Variants in RBFOX1 observed in about 807,000 individuals in gnomAD.
RBFOX1 encodes the protein RNA binding protein fox-1 homolog 1.
In RBFOX1, 8 loss-of-function variants were observed where a neutral mutation model predicts 57.7. The observed-to-expected ratio is 0.14, with a 90% CI of 0.08 to 0.25. The LOEUF (loss-of-function observed/expected upper bound fraction) is 0.25. RBFOX1 is among the 10% of genes least tolerant of loss of function. The probability of loss-of-function intolerance (pLI) is 1.00; values close to 1 mark genes in which losing one functional copy is unlikely to be tolerated. For missense variants in RBFOX1, 611 were observed against 548.5 expected (o/e 1.11, Z -1.14); for synonymous variants, 326 against 222.4 (o/e 1.47, Z -4.15).
At chr16:6,657,944 C>G (rs762882974) in intron 3 of RBFOX1, among the ~76,000 whole-genome samples, 14 of 152,046 alleles carry the variant, frequency 9.2e-5, no homozygotes, top group Admixed American at 3.3e-4. Flanking sequence ...TCTTTCACCT[C>G]CCCTGGCTTT....
Position 5,834,605 on chromosome 16 carries a change from G to GATAGATAT in RBFOX1, c.319-32691_319-32690insTATAGATA, listed in dbSNP as rs1555541363. Among the ~76,000 whole-genome samples, 454 of 151,694 alleles carry GATAGATAT rather than the reference G, an allele frequency of 3.0e-3. 4 individuals carry two copies. Among genetic ancestry groups the GATAGATAT allele is most frequent in the East Asian group, 9.3e-3 (48 of 5,170 alleles). On this transcript the variant is annotated intron_variant, in intron 3 of 19. Transcript: ENST00000641259. Reference sequence around the variant, plus strand: ...AGATAGATAGATAGATAGATAGATAGATAGATAGATAGATAGATTGACTGA... The same window carrying GATAGATAT: ...AGATAGATAGATAGATAGATAGATAGATAGATATATAGATAGATAGATAGATTGACTGA...
intron 1 of RBFOX1, among the ~76,000 whole-genome samples, chr16:5,296,572 A>ATTTT (rs200092819): frequency 2.6e-4 from 39 of 151,380 alleles, no homozygotes; most frequent in African/African-American, 8.5e-4. Context: ...AAAAAAAAAA[A>ATTTT]TTTTTTTTTA....
At chr16:6,700,337 C>T (rs939921363) in intron 3 of RBFOX1, among the ~76,000 whole-genome samples, 2 of 144,758 alleles carry the variant, frequency 1.4e-5, no homozygotes, top group Non-Finnish European at 3.0e-5. Context: ...AAAACATCAG[C>T]ACCATAGGCA....
At chr16:5,609,426 G>C (rs1204510464) in intron 3 of RBFOX1, among the ~76,000 whole-genome samples, 1 of 152,188 alleles carries the variant, frequency 6.6e-6, no homozygotes, top group Non-Finnish European at 1.5e-5. Context: ...CTAGGGAAAA[G>C]TCAGCCTGCT....
At chr16:7,501,623 T>G (rs540326392) in intron 4 of RBFOX1, among the ~76,000 whole-genome samples, 155 of 152,346 alleles carry the variant, frequency 1.0e-3, no homozygotes, top group African/African-American at 3.6e-3. Flanking sequence ...TTTTCTTTGA[T>G]TCTGCCACTC....
At chr16:5,304,623 C>T (rs9935741) in intron 1 of RBFOX1, among the ~76,000 whole-genome samples, 53 of 152,276 alleles carry the variant, frequency 3.5e-4, no homozygotes, top group African/African-American at 1.3e-3. Context: ...CTCTTCTATC[C>T]TGGGGACATT....
chr16:7,622,848 C>G (rs1200285972), intron 10 of RBFOX1, among the ~76,000 whole-genome samples: 3 of 152,196 alleles, frequency 2.0e-5, no homozygotes, highest in Non-Finnish European at 4.4e-5. Flanking sequence ...CTACCATAAC[C>G]CTTCAGAGAA....
At chr16:5,755,557 G>A (rs540813820) in intron 3 of RBFOX1, among the ~76,000 whole-genome samples, 2 of 152,230 alleles carry the variant, frequency 1.3e-5, no homozygotes, top group Admixed American at 6.5e-5. Context: ...ACTTCCCCAT[G>A]GGCATCTATT....
At chr16:5,968,835 T>C (rs542520606) in intron 4 of RBFOX1, among the ~76,000 whole-genome samples, 1 of 152,250 alleles carries the variant, frequency 6.6e-6, no homozygotes, top group South Asian at 2.1e-4. Flanking sequence ...AGGACTCTTA[T>C]CTCTATTTTA....
At chr16:7,702,620 C>G (rs768509863) in intron 14 of RBFOX1, among the ~76,000 whole-genome samples, 1 of 152,160 alleles carries the variant, frequency 6.6e-6, no homozygotes, top group Non-Finnish European at 1.5e-5. Flanking sequence ...AGAAGCCATG[C>G]GCCCTCCCCT....
chr16:7,367,155 G>C (rs1408865486), intron 4 of RBFOX1, among the ~76,000 whole-genome samples: 3 of 152,064 alleles, frequency 2.0e-5, no homozygotes, highest in Non-Finnish European at 4.4e-5. Flanking sequence ...GGTCTCCTGG[G>C]CTAGGTGGTG....
intron 2 of RBFOX1, among the ~76,000 whole-genome samples, chr16:6,497,924 A>G (rs1472830470): frequency 6.6e-6 from 1 of 152,060 alleles, no homozygotes; most frequent in Non-Finnish European, 1.5e-5. Context: ...ATATTTATAA[A>G]TAAATTAATC....
intron 2 of RBFOX1, among the ~76,000 whole-genome samples, chr16:6,354,486 T>C (rs1258234343): frequency 6.6e-6 from 1 of 152,248 alleles, no homozygotes; most frequent in Middle Eastern, 3.4e-3. Context: ...CAGGTTGATG[T>C]CCCTGACTGA....
intron 2 of RBFOX1, among the ~76,000 whole-genome samples, chr16:5,541,591 G>A (rs1256455439): frequency 6.6e-6 from 1 of 152,150 alleles, no homozygotes; most frequent in Non-Finnish European, 1.5e-5. Context: ...TCAGATATGC[G>A]TTTATCTCAG....
chr16:7,110,199 A>G (rs990045329), intron 4 of RBFOX1, among the ~76,000 whole-genome samples: 16 of 151,214 alleles, frequency 1.1e-4, no homozygotes, highest in African/African-American at 3.6e-4. Context: ...AAAAAAAAAA[A>G]AAAAAGAAAA....
At chr16:7,698,104 G>A (rs1243436309) in intron 14 of RBFOX1, among the ~76,000 whole-genome samples, 1 of 151,946 alleles carries the variant, frequency 6.6e-6, no homozygotes, top group Non-Finnish European at 1.5e-5. Flanking sequence ...GTTAGTGGCT[G>A]AAAAACAATT....
At chr16:7,638,528 TG>T (rs1252049435) in intron 11 of RBFOX1, among the ~76,000 whole-genome samples, 4 of 152,306 alleles carry the variant, frequency 2.6e-5, no homozygotes, top group African/African-American at 9.6e-5. Flanking sequence ...GGGCCAAGGC[TG>T]TGCTGTCTCC....
chr16:5,413,247 A>G (rs1446043970), intron 1 of RBFOX1, among the ~76,000 whole-genome samples: 2 of 152,140 alleles, frequency 1.3e-5, no homozygotes, highest in Non-Finnish European at 2.9e-5. Context: ...CAACTGTTAC[A>G]GCTTCTTCTA....
At chr16:7,552,599 C>T (rs2086897844) in intron 5 of RBFOX1, among the ~76,000 whole-genome samples, 1 of 152,176 alleles carries the variant, frequency 6.6e-6, no homozygotes, top group African/African-American at 2.4e-5. Context: ...AACAAGAAAT[C>T]CATAGTTCAT....
Sources: allele counts gnomAD v4.1 joint callset (sites outside exome capture counted in the v4.1 genomes callset), GRCh38; gene constraint gnomAD v4.1.1; transcripts MANE v1.5; gene names NCBI Gene and HGNC (gene_info 2026-07-23, HGNC 2026-07-21).